DESI2: variants seen among roughly 807,000 people sequenced by gnomAD.
DESI2 encodes the protein desumoylating isopeptidase 2, also known as deubiquitinase DESI2.
DESI2 carries 10 observed loss-of-function variants against 24.1 expected under a neutral mutation model. The observed-to-expected ratio is 0.41, with a 90% confidence interval of 0.26 to 0.70. The LOEUF is 0.70. DESI2 is among the 30% of genes least tolerant of loss of function. The pLI is 0.29. For synonymous variants in DESI2, 71 were observed against 87.7 expected (o/e 0.81, Z 1.06); for missense variants, 122 against 234.9 (o/e 0.52, Z 3.14).
At chr1:244,701,813 T>G (rs2148818293) in intron 4 of DESI2, among the ~76,000 whole-genome samples, 2 of 152,360 alleles carry the variant, frequency 1.3e-5, no homozygotes, top group South Asian at 4.1e-4. Flanking sequence ...CCTCACTTCT[T>G]TTTTTAGCTG....
chr1:244,663,834 C>G (rs892154721), intron 1 of DESI2, among the ~76,000 whole-genome samples: 1 of 151,766 alleles, frequency 6.6e-6, no homozygotes, highest in Admixed American at 6.6e-5. Flanking sequence ...CTGGCTAACA[C>G]GGTGAAACCC....
chr1:244,702,232 G>A (rs1223194142), intron 4 of DESI2, among the ~76,000 whole-genome samples: 2 of 152,198 alleles, frequency 1.3e-5, no homozygotes, highest in Non-Finnish European at 2.9e-5. Flanking sequence ...ACATTGGCTT[G>A]GCTGGGCACG....
chr1:244,665,530 A>G (rs1195012602), intron 1 of DESI2, among the ~76,000 whole-genome samples: 7 of 152,210 alleles, frequency 4.6e-5, no homozygotes, highest in East Asian at 3.8e-4. Context: ...TATTTCTGTC[A>G]TAGTTAATGC....
At chr1:244,668,090 C>G (rs1415166168) in intron 1 of DESI2, among the ~76,000 whole-genome samples, 1 of 152,184 alleles carries the variant, frequency 6.6e-6, no homozygotes, top group Non-Finnish European at 1.5e-5. Flanking sequence ...TATTTACATA[C>G]TTAAGAGTTC....
intron 4 of DESI2, among the ~76,000 whole-genome samples, chr1:244,697,915 A>T (rs1677284462): frequency 6.6e-6 from 1 of 152,214 alleles, no homozygotes; most frequent in Non-Finnish European, 1.5e-5. Context: ...GGCAGAGGAC[A>T]TCCTTCAGTT....
intron 4 of DESI2, among the ~76,000 whole-genome samples, chr1:244,693,166 G>A (rs1246194163): frequency 6.6e-6 from 1 of 152,190 alleles, no homozygotes; most frequent in Non-Finnish European, 1.5e-5. Flanking sequence ...ACTTATCAAA[G>A]AAGATTGTCA....
At position 244,653,322 on chromosome 1, in the gene DESI2, T is replaced by C. The variant is rs1182395747; in HGVS notation, c.9T>C (p.Ala3=). ...CGGCCGCGGGGAGGAGGATGGGGGC[T>C]AACCAGTTAGTGGTGCTCAACGTGT... The part of the protein sequence containing the change: MG[A]NQLVVLNVYD... Residue 3 remains alanine (A), a synonymous_variant, in exon 1 of 5, where the codon GCT becomes GCC. Coordinates refer to ENST00000302550, the MANE Select transcript of DESI2 (RefSeq NM_016076.5). The C allele has an allele frequency of 5.3e-6, 8 of 1,519,296 alleles. No homozygotes were observed. Among genetic ancestry groups the C allele is most frequent in the Non-Finnish European group, 6.1e-6 (7 of 1,140,864 alleles). The allele number at this position is 1,519,296 out of a possible 1,614,324, so 94.1% of individuals were successfully genotyped here.
chr1:244,703,317 A>G (rs1035311033), intron 4 of DESI2, among the ~76,000 whole-genome samples: 3 of 151,928 alleles, frequency 2.0e-5, no homozygotes, highest in Admixed American at 6.6e-5. Context: ...CCTGTTTGGC[A>G]GTGTTTTTAA....
At position 244,700,746 on chromosome 1, in the gene DESI2, G is replaced by A. The variant is rs143716255; in HGVS notation, c.352-4810G>A. Among the ~76,000 whole-genome samples, 170 of 152,210 alleles carry A rather than the reference G, an allele frequency of 1.1e-3. 3 individuals carry two copies. The highest frequency in any genetic ancestry group is 6.8e-3 in the Middle Eastern group (2 of 294). ...GATAGCTACATTTTATCTTTCCCAT[G>A]TCAGAAATCTAAATTCTCAGCAACA... On this transcript the variant is annotated intron_variant, in intron 4 of 4. Coordinates refer to ENST00000302550, the MANE Select transcript of DESI2 (RefSeq NM_016076.5).
intron 1 of DESI2, among the ~76,000 whole-genome samples, chr1:244,685,413 A>G (rs1441058778): frequency 6.6e-6 from 1 of 152,230 alleles, no homozygotes; most frequent in Admixed American, 6.5e-5. Flanking sequence ...TCTTATATAT[A>G]CAAGGGTCTG....
intron 4 of DESI2, among the ~76,000 whole-genome samples, chr1:244,692,971 G>A (rs546834196): frequency 5.9e-5 from 9 of 152,280 alleles, no homozygotes; most frequent in African/African-American, 1.7e-4. Context: ...CATCAGTACC[G>A]TAGAAGTGAC....
At chr1:244,676,805 A>G (rs911687017) in intron 1 of DESI2, among the ~76,000 whole-genome samples, 6 of 147,276 alleles carry the variant, frequency 4.1e-5, no homozygotes, top group Admixed American at 1.4e-4. Flanking sequence ...AATATATATT[A>G]TATATATTTT....
At chr1:244,679,421 G>A (rs151259448) in intron 1 of DESI2, among the ~76,000 whole-genome samples, 93 of 152,276 alleles carry the variant, frequency 6.1e-4, no homozygotes, top group African/African-American at 2.2e-3. Flanking sequence ...AGTACAATCT[G>A]TATATACCCT....
chr1:244,656,682 G>C (rs1675657951), intron 1 of DESI2, among the ~76,000 whole-genome samples: 3 of 152,120 alleles, frequency 2.0e-5, no homozygotes, highest in Admixed American at 1.3e-4. Context: ...GTGCTTTTCA[G>C]GTTATCTTGA....
At chr1:244,658,718 C>G (rs1186745348) in intron 1 of DESI2, among the ~76,000 whole-genome samples, 2 of 152,104 alleles carry the variant, frequency 1.3e-5, no homozygotes, top group African/African-American at 4.8e-5. Context: ...TGCCAAATGC[C>G]TATTTCTGGT....
chr1:244,665,268 A>G (rs571614085), intron 1 of DESI2, among the ~76,000 whole-genome samples: 1 of 152,272 alleles, frequency 6.6e-6, no homozygotes, highest in African/African-American at 2.4e-5. Context: ...TTGAAAAGCA[A>G]GCTCAGAGTC....
At chr1:244,694,447 C>G (rs1677138435) in intron 4 of DESI2, 2 of 763,656 alleles carry the variant, frequency 2.6e-6, no homozygotes, top group Non-Finnish European at 4.7e-6. Flanking sequence ...GAACTGGATG[C>G]TGCAGCAGCT....
chr1:244,673,989 CTTTTTTTTT>C (rs143887006), intron 1 of DESI2, among the ~76,000 whole-genome samples: 2 of 73,206 alleles, frequency 2.7e-5, no homozygotes, highest in Non-Finnish European at 5.3e-5. Context: ...ACTTCTGTCT[CTTTTTTTTT>C]TTTTTTTTTT....
intron 1 of DESI2, among the ~76,000 whole-genome samples, chr1:244,684,991 G>A (rs1167854820): frequency 6.6e-6 from 1 of 152,042 alleles, no homozygotes; most frequent in Non-Finnish European, 1.5e-5. Flanking sequence ...TTCCTAACTT[G>A]CCATCCAAAT....
Sources: gnomAD v4.1 joint callset for allele counts (sites outside exome capture counted in the v4.1 genomes callset) on GRCh38, gnomAD v4.1.1 for gene constraint, MANE v1.5 for transcripts, NCBI Gene and HGNC (gene_info 2026-07-23, HGNC 2026-07-21) for gene names.